GREM2: variants seen among roughly 807,000 people sequenced by gnomAD.
The protein encoded by GREM2 is gremlin-2.
A neutral mutation model predicts 14.2 loss-of-function variants in GREM2; 11 were observed. That is an observed-to-expected ratio of 0.78 (90% confidence interval 0.49 to 1.28). The LOEUF (loss-of-function observed/expected upper bound fraction) is 1.28. Among genes scored for constraint, GREM2 ranks in the 50% most tolerant of loss-of-function variants. The pLI, the probability that GREM2 is intolerant of heterozygous loss-of-function variation, is 0.00. For synonymous variants in GREM2, 98 were observed against 97.6 expected, an observed-to-expected ratio of 1.00 and a Z score of -0.02; for missense variants, 210 against 218.5, an observed-to-expected ratio of 0.96 and a Z score of 0.24.
chr1:240,544,410 G>C (rs556773859), intron 1 of GREM2, among the ~76,000 whole-genome samples: 1 of 152,232 alleles, frequency 6.6e-6, no homozygotes, highest in East Asian at 1.9e-4. Context: ...GCCTCCCAAA[G>C]TGCTGGGATT....
Position 240,540,395 on chromosome 1 carries a change from C to G in GREM2, c.-1-46919G>C, listed in dbSNP as rs1433366602. ...AGAAGGGAGAAAAACATGGCTAGGACCAAGAAAACAAACAAAACAGGATCA... is the reference window on the plus strand; with the variant it reads ...AGAAGGGAGAAAAACATGGCTAGGAGCAAGAAAACAAACAAAACAGGATCA... On this transcript the variant is annotated intron_variant, in intron 1 of 1. Coordinates refer to ENST00000318160, the MANE Select transcript of GREM2 (RefSeq NM_022469.4). The surrounding 1 kb of genome is among the most constrained non-coding windows in gnomAD (Gnocchi z 4.2). Among the ~76,000 whole-genome samples the G allele has an allele frequency of 6.6e-6, 1 of 152,034 alleles. No individual in the cohort carries two copies. Among genetic ancestry groups the G allele is most frequent in the Non-Finnish European group, 1.5e-5 (1 of 68,006 alleles).
At position 240,492,350 on chromosome 1, in the gene GREM2, C is replaced by T. The variant is rs547053910; in HGVS notation, c.*619G>A. On this transcript the variant is annotated 3_prime_UTR_variant, in exon 2 of 2. Transcript: ENST00000318160. ...TCGAGGTTTCCCGGGAAGCCCACTT[C>T]GGGATCCAAGTGGCTCAAGTTGTCT... The T allele has an allele frequency of 1.0e-5, 3 of 299,736 alleles. No homozygotes were observed. Among genetic ancestry groups the T allele is most frequent in the South Asian group, 5.4e-5 (2 of 36,936 alleles). The allele number at this position is 299,736 out of a possible 1,614,324, so 18.6% of individuals were successfully genotyped here.
At chr1:240,498,555 C>T (rs1189560822) in intron 1 of GREM2, among the ~76,000 whole-genome samples, 2 of 152,194 alleles carry the variant, frequency 1.3e-5, no homozygotes, top group African/African-American at 2.4e-5. Context: ...CTTGGCTGTG[C>T]AGAGTTCACC....
At chr1:240,549,449 CA>C (rs2103336318) in intron 1 of GREM2, among the ~76,000 whole-genome samples, 1 of 152,076 alleles carries the variant, frequency 6.6e-6, no homozygotes, top group South Asian at 2.1e-4. Context: ...TAAATCCCAG[CA>C]GAGCTAAGGA....
At chr1:240,584,545 A>T (rs930347446) in intron 1 of GREM2, among the ~76,000 whole-genome samples, 4 of 151,740 alleles carry the variant, frequency 2.6e-5, no homozygotes, top group East Asian at 1.9e-4. Flanking sequence ...AAATTAAAAA[A>T]TAAAAAAAAT....
intron 1 of GREM2, among the ~76,000 whole-genome samples, chr1:240,601,635 G>A (rs928983842): frequency 6.6e-6 from 1 of 152,120 alleles, no homozygotes; most frequent in Admixed American, 6.5e-5. Context: ...GGCCCGGCAC[G>A]GTGGCTCACA....
In GREM2 at chr1:240,492,894, G is replaced by T. The variant is rs1365205661; in HGVS notation, c.*75C>A. 2.3e-6 allele frequency: 3 copies of T among 1,308,252 alleles called. No individual in the cohort carries two copies. Among genetic ancestry groups the T allele is most frequent in the Non-Finnish European group, 2.9e-6 (3 of 1,023,068 alleles). 81.0% of individuals were successfully genotyped at this position (1,308,252 alleles called of 1,614,324 possible). A position where few individuals can be genotyped will look rare whatever the true frequency, so the allele number is the denominator to read the frequency against. ...AGGCAGCGTGACAGTGGGCTCGGAG[G>T]GCAGGGACAGAGGCGGCGGCGGCGC... On this transcript the variant is annotated 3_prime_UTR_variant, in exon 2 of 2. Coordinates refer to ENST00000318160, the MANE Select transcript of GREM2 (RefSeq NM_022469.4).
intron 1 of GREM2, among the ~76,000 whole-genome samples, chr1:240,524,345 T>C (rs927960658): frequency 1.3e-5 from 2 of 152,376 alleles, no homozygotes; most frequent in Middle Eastern, 3.4e-3. Context: ...TTACATATTA[T>C]ACTCTTTGTC....
intron 1 of GREM2, among the ~76,000 whole-genome samples, chr1:240,594,728 G>A (rs937035089): frequency 3.3e-5 from 5 of 151,406 alleles, no homozygotes; most frequent in South Asian, 2.1e-4. Context: ...TTATATATAT[G>A]TATATATATA....
chr1:240,583,375 C>T (rs2103379918), intron 1 of GREM2, among the ~76,000 whole-genome samples: 1 of 152,170 alleles, frequency 6.6e-6, no homozygotes, highest in South Asian at 2.1e-4. Context: ...GACAAATGGC[C>T]AATTTACTTA....
chr1:240,534,564 C>T (rs781550327), intron 1 of GREM2, among the ~76,000 whole-genome samples: 22 of 151,902 alleles, frequency 1.4e-4, no homozygotes, highest in African/African-American at 3.9e-4. Context: ...TGGTGGCGGG[C>T]GCCTGTAGTC....
At chr1:240,519,172 GGCAGT>G (rs58348852) in intron 1 of GREM2, among the ~76,000 whole-genome samples, 42,784 of 151,766 alleles carry the variant, frequency 0.28, 6,135 homozygotes, top group East Asian at 0.45. Flanking sequence ...AAAAACAAAA[GGCAGT>G]GATGTGTATG....
intron 1 of GREM2, among the ~76,000 whole-genome samples, chr1:240,611,443 C>T (rs570378137): frequency 2.8e-4 from 42 of 152,224 alleles, no homozygotes; most frequent in African/African-American, 9.9e-4. Flanking sequence ...TGCCGAAGTC[C>T]GCTGTGGTTC....
intron 1 of GREM2, among the ~76,000 whole-genome samples, chr1:240,609,294 C>G (rs142273004): frequency 5.3e-5 from 8 of 152,098 alleles, no homozygotes; most frequent in African/African-American, 1.9e-4. Context: ...AATGTGCTGG[C>G]CACTTAAAGA....
At chr1:240,594,325 T>G (rs1263391278) in intron 1 of GREM2, among the ~76,000 whole-genome samples, 1 of 152,206 alleles carries the variant, frequency 6.6e-6, no homozygotes, top group Non-Finnish European at 1.5e-5. Context: ...TATGCAATAT[T>G]CATGCCACAC....
intron 1 of GREM2, among the ~76,000 whole-genome samples, chr1:240,530,146 G>A (rs1678318806): frequency 6.6e-6 from 1 of 152,074 alleles, no homozygotes; most frequent in Non-Finnish European, 1.5e-5. Context: ...GGAACAATAA[G>A]GAGTTCTATA....
At chr1:240,610,107 A>G (rs1680104965) in intron 1 of GREM2, among the ~76,000 whole-genome samples, 2 of 152,172 alleles carry the variant, frequency 1.3e-5, no homozygotes, top group African/African-American at 4.8e-5. Context: ...CACACCCAAC[A>G]TTGCTTTAGA....
At chr1:240,507,267 G>A (rs1341981786) in intron 1 of GREM2, among the ~76,000 whole-genome samples, 1 of 151,878 alleles carries the variant, frequency 6.6e-6, no homozygotes. Context: ...ATTCCTTCCT[G>A]CCTGCCTTCC....
At chr1:240,580,721 G>T (rs1320072283) in intron 1 of GREM2, among the ~76,000 whole-genome samples, 1 of 151,934 alleles carries the variant, frequency 6.6e-6, no homozygotes, top group Non-Finnish European at 1.5e-5. Context: ...ACTACAGGTG[G>T]GCCACCACAC....
Sources: allele counts gnomAD v4.1 joint callset (sites outside exome capture counted in the v4.1 genomes callset), GRCh38; gene constraint gnomAD v4.1.1; non-coding constraint Gnocchi (gnomAD v3.1); transcripts MANE v1.5; gene names NCBI Gene and HGNC (gene_info 2026-07-23, HGNC 2026-07-21).